The following LAMB2 variants were observed in gnomAD, a reference collection of about 807,000 sequenced individuals.
The protein encoded by LAMB2 is laminin subunit beta-2.
LAMB2 carries 119 observed loss-of-function variants against 202.7 expected under a neutral mutation model. The observed-to-expected ratio is 0.59, with a 90% CI of 0.51 to 0.68. The LOEUF is 0.68. Ranked by LOEUF, LAMB2 falls within the 30% of genes least tolerant of loss-of-function variation. The pLI is 0.00. For synonymous variants in LAMB2, 818 were observed against 902.2 expected (o/e 0.91, Z 1.67); for missense variants, 2,124 against 2,410.6 (o/e 0.88, Z 2.49).
At position 49,123,179 on chromosome 3, in the gene LAMB2, G is replaced by A. The variant is rs267607208; in HGVS notation, c.4177C>T (p.Leu1393Phe). The change falls in exon 26 of 32, where the codon CTC becomes TTC. Residue 1393 changes from leucine (L) to phenylalanine (F), a missense_variant. Transcript: ENST00000305544. ...CTCAGGGTGTGGGTATGGGCAGAGA[G>A]CTTGCCAAGTGCCCGCTGGTTGGCC... Reference protein sequence around the residue: ...HMANQRALGKLSAHTHTLSLT... With the variant: ...HMANQRALGKFSAHTHTLSLT... 6.2e-7 allele frequency: 1 copy of A among 1,613,788 alleles called. No homozygotes were observed. The highest frequency in any genetic ancestry group is 8.5e-7 in the Non-Finnish European group (1 of 1,180,018).
At chr3:49,125,545 G>C in intron 18 of LAMB2, 61 bp from the exon 19 acceptor site, 1 of 1,446,974 alleles carries the variant, frequency 6.9e-7, no homozygotes. Flanking sequence ...AGTGTGGGTG[G>C]GGGAGGGTCT....
At position 49,125,846 on chromosome 3, in the gene LAMB2, G is replaced by C; in HGVS notation, c.2389C>G (p.Pro797Ala). 4 of 1,614,122 alleles carry C rather than the reference G, an allele frequency of 2.5e-6. No individual in the cohort carries two copies. The highest frequency in any genetic ancestry group is 3.4e-6 in the Non-Finnish European group (4 of 1,180,022). The part of the protein sequence containing the change: ...PQGSLSSECN[P>A]HGGQCLCKPG... ...TTGCACAGGCACTGACCACCATGAG[G>C]GTTGCACTCAGAACTCAGTGAACCT... Residue 797 changes from proline to alanine, a missense_variant, in exon 18 of 32, where the codon CCT becomes GCT. Coordinates refer to ENST00000305544, the MANE Select transcript of LAMB2 (RefSeq NM_002292.4).
intron 22 of LAMB2, 41 bp from the exon 23 acceptor site, chr3:49,124,327 G>GCTAAGCC (rs751971678): frequency 6.2e-6 from 10 of 1,613,072 alleles, no homozygotes; most frequent in African/African-American, 1.3e-5. Flanking sequence ...TCTATAAGAG[G>GCTAAGCC]CTAAGCCCTG....
rs202215205 is a variant in LAMB2, at chr3:49,128,820, C to T, written c.1732-1G>A. ...CCAGGCGCTCCACCACATCGAGCAC[C>T]TGGGAGATAATGCAGCCAGGGATGG... On this transcript the variant is annotated splice_acceptor_variant, in intron 13 of 31. Coordinates refer to ENST00000305544, the MANE Select transcript of LAMB2 (RefSeq NM_002292.4). LOFTEE classifies it high-confidence loss of function. The T allele has an allele frequency of 6.2e-7, 1 of 1,611,592 alleles. No homozygotes were observed. The highest frequency in any genetic ancestry group is 8.5e-7 in the Non-Finnish European group (1 of 1,178,322).
Position 49,124,850 on chromosome 3 carries a change from TCA to T in LAMB2, c.2958_2959del (p.Cys986Ter). 6.2e-7 allele frequency: 1 copy of T among 1,614,106 alleles called. No homozygotes were observed. Among genetic ancestry groups the T allele is most frequent in the Non-Finnish European group, 8.5e-7 (1 of 1,180,026 alleles). On this transcript the variant is annotated stop_gained and frameshift_variant, in exon 21 of 32. Transcript: ENST00000305544. LOFTEE classifies it high-confidence loss of function. The stretch of plus-strand genomic sequence containing the variant: ...CATTGGGTCAATGTTCCCACTGCAC[TCA>T]CACAGTTGGCACCGGCCACCTGGCC...
chr3:49,125,625 G>A (rs2045405451), intron 18 of LAMB2, 122 bp downstream of exon 18: 1 of 1,444,308 alleles, frequency 6.9e-7, no homozygotes, highest in African/African-American at 1.4e-5. Flanking sequence ...AACTGACCCA[G>A]GTTGAGAGTA....
chr3:49,128,933 C>T, intron 13 of LAMB2, 87 bp downstream of exon 13: 1 of 1,600,472 alleles, frequency 6.2e-7, no homozygotes. Flanking sequence ...CCTATCCCCT[C>T]AACAAGGTAC....
chr3:49,128,615 T>C, intron 14 of LAMB2, 30 bp from the exon 15 acceptor site: 1 of 1,614,172 alleles, frequency 6.2e-7, no homozygotes, highest in Non-Finnish European at 8.5e-7. Context: ...GAGGAGATGC[T>C]CCCACACCCA....
chr3:49,130,496 T>G lies in LAMB2; in HGVS notation c.1037-77A>C. ...AGGGTAAGAAGTAGGCCACCTTAGA[T>G]CCCTATCACAGGCCAGAATTTGTGG... On this transcript the variant is annotated intron_variant, in intron 8 of 31. Transcript: ENST00000305544. This position sits in a 1 kb window ranked among gnomAD's most constrained non-coding sequence, Gnocchi z 5.0. 6.4e-7 allele frequency: 1 copy of G among 1,555,122 alleles called. No individual in the cohort carries two copies. The highest frequency in any genetic ancestry group is 8.9e-7 in the Non-Finnish European group (1 of 1,128,946).
chr3:49,130,493 A>C lies in LAMB2; in HGVS notation c.1037-74T>G. 6.4e-7 allele frequency: 1 copy of C among 1,563,242 alleles called. No individual in the cohort carries two copies. Among genetic ancestry groups the C allele is most frequent in the Non-Finnish European group, 8.8e-7 (1 of 1,135,924 alleles). On this transcript the variant is annotated intron_variant, in intron 8 of 31. Coordinates refer to ENST00000305544, the MANE Select transcript of LAMB2 (RefSeq NM_002292.4). The surrounding 1 kb of genome is among the most constrained non-coding windows in gnomAD (Gnocchi z 5.0). ...ACAAGGGTAAGAAGTAGGCCACCTT[A>C]GATCCCTATCACAGGCCAGAATTTG...
rs189943598 is a variant in LAMB2, at chr3:49,126,506, G to A, written c.2019-9C>T. The A allele has an allele frequency of 1.1e-5, 18 of 1,613,948 alleles. 1 individual carries two copies. Among genetic ancestry groups the A allele is most frequent in the South Asian group, 4.4e-5 (4 of 91,060 alleles). On this transcript the variant is annotated splice_polypyrimidine_tract_variant and intron_variant, in intron 15 of 31. Coordinates refer to ENST00000305544, the MANE Select transcript of LAMB2 (RefSeq NM_002292.4). ...TAGGAAATATCAAGTACCTGGGGGC[G>A]AGTGGGGACAGGTGCAGTGGGTCAT... is the stretch of plus-strand genomic sequence containing the variant.
chr3:49,129,361 C>T lies in LAMB2; in HGVS notation c.1519-37G>A, dbSNP rs972945346. 2.1e-5 allele frequency: 33 copies of T among 1,570,868 alleles called. No individual in the cohort carries two copies. In the African/African-American group the frequency reaches 4.2e-4, roughly 20 times the overall value. ...GAGTTGCTGGGGGCCAGAAACAGACCTCCAGACCCCATCACCACCCAGCAG... is the reference window on the plus strand; with the variant it reads ...GAGTTGCTGGGGGCCAGAAACAGACTTCCAGACCCCATCACCACCCAGCAG... On this transcript the variant is annotated intron_variant, in intron 11 of 31. Coordinates refer to ENST00000305544, the MANE Select transcript of LAMB2 (RefSeq NM_002292.4). This position sits in a 1 kb window ranked among gnomAD's most constrained non-coding sequence, Gnocchi z 6.1.
At chr3:49,126,621 C>G (rs554974972) in intron 15 of LAMB2, 124 bp from the exon 16 acceptor site, 4 of 1,247,520 alleles carry the variant, frequency 3.2e-6, no homozygotes, top group Middle Eastern at 2.3e-4. Flanking sequence ...GGCTGGGTTG[C>G]GTTGGGCTGC....
At chr3:49,126,530 A>T (rs1401287998) in intron 15 of LAMB2, 33 bp from the exon 16 acceptor site, 1 of 1,613,470 alleles carries the variant, frequency 6.2e-7, no homozygotes, top group African/African-American at 1.3e-5. Flanking sequence ...GCAGTGGGTC[A>T]TCTAGGGGCC....
chr3:49,133,034 G>T lies in LAMB2; in HGVS notation c.-167C>A. The T allele has an allele frequency of 1.6e-6, 1 of 637,076 alleles. No individual in the cohort carries two copies. 39.5% of individuals were successfully genotyped at this position (637,076 alleles called of 1,614,324 possible). On this transcript the variant is annotated 5_prime_UTR_variant, in exon 1 of 32. Coordinates refer to ENST00000305544, the MANE Select transcript of LAMB2 (RefSeq NM_002292.4). Reference sequence around the variant, plus strand: ...CCAGCGGTCCCTCCGACAGCTTAGAGTCCAGCGACTTTGAGCAAAGTTGGG... The same window carrying T: ...CCAGCGGTCCCTCCGACAGCTTAGATTCCAGCGACTTTGAGCAAAGTTGGG...
rs370554848 is a variant in LAMB2, at chr3:49,132,782, G to A, written c.76+10C>T. ...TTCCACAACCCCCAGCCCCCACCAG[G>A]CCCTCTCACCGCTTAGCAGTAGGCC... On this transcript the variant is annotated intron_variant, in intron 1 of 31. Coordinates refer to ENST00000305544, the MANE Select transcript of LAMB2 (RefSeq NM_002292.4). This position sits in a 1 kb window ranked among gnomAD's most constrained non-coding sequence, Gnocchi z 4.6. The A allele has an allele frequency of 2.6e-4, 427 of 1,613,898 alleles. No individual in the cohort carries two copies. The highest frequency in any genetic ancestry group is 3.6e-4 in the Non-Finnish European group (419 of 1,179,922).
At position 49,124,774 on chromosome 3, in the gene LAMB2, G is replaced by T. The variant is rs777538430; in HGVS notation, c.3036C>A (p.His1012Gln). 3.4e-5 allele frequency: 55 copies of T among 1,614,104 alleles called. No individual in the cohort carries two copies. The highest frequency in any genetic ancestry group is 4.5e-5 in the Non-Finnish European group (53 of 1,180,050). Residue 1012 changes from histidine to glutamine, a missense_variant, in exon 21 of 32, where the codon CAC (histidine) becomes CAA (glutamine). Physicochemically the swap from His to Gln is conservative, Grantham distance 24. Around this residue, in one of 3 missense-constraint regions of LAMB2, gnomAD observed 1,702 missense variants for 1,896.3 expected, o/e 0.90. Coordinates refer to ENST00000305544, the MANE Select transcript of LAMB2 (RefSeq NM_002292.4). The stretch of plus-strand genomic sequence containing the variant: ...GGGCACAGTGTGGACCCTCTGTGTG[G>T]TGTAAACAGCGCAGGCATTGCCCCG... Reference protein sequence around the residue: ...PHTGQCLRCLHHTEGPHCAHC... With the variant: ...PHTGQCLRCLQHTEGPHCAHC...
In LAMB2 at chr3:49,122,943, G is replaced by T; in HGVS notation, c.4334C>A (p.Ala1445Glu). 2 of 1,608,972 alleles carry T rather than the reference G, an allele frequency of 1.2e-6. No homozygotes were observed. Among genetic ancestry groups the T allele is most frequent in the Non-Finnish European group, 1.7e-6 (2 of 1,179,964 alleles). The change falls in exon 27 of 32, where the codon GCA becomes GAA. Residue 1445 changes from alanine (A) to glutamate (E), a missense_variant. Coordinates refer to ENST00000305544, the MANE Select transcript of LAMB2 (RefSeq NM_002292.4). Reference protein sequence around the residue: ...PRCGGLSCNGAAATADLALGR... With the variant: ...PRCGGLSCNGEAATADLALGR... The stretch of plus-strand genomic sequence containing the variant: ...CAGTGCTAGGTCTGCTGTAGCCGCT[G>T]CCCCATTGCAGCTGAGGCCCCCACA...
In LAMB2 at chr3:49,123,306, T is replaced by G; in HGVS notation, c.4050A>C (p.Ser1350=). ...SAEAERRANT[S]ALAVPSPVSN... ...TCACAGGGCTAGGTACTGCCAGGGCTGAGGTATTGGCACGACGTTCTGCCT... is the reference window on the plus strand; with the variant it reads ...TCACAGGGCTAGGTACTGCCAGGGCGGAGGTATTGGCACGACGTTCTGCCT... The change falls in exon 26 of 32, where the codon TCA becomes TCC. Residue 1350 remains serine (S), a synonymous_variant. Coordinates refer to ENST00000305544, the MANE Select transcript of LAMB2 (RefSeq NM_002292.4). 6.2e-7 allele frequency: 1 copy of G among 1,614,120 alleles called. No homozygotes were observed. Among genetic ancestry groups the G allele is most frequent in the Non-Finnish European group, 8.5e-7 (1 of 1,180,030 alleles).
Sources: gnomAD v4.1 joint callset for allele counts on GRCh38, gnomAD v4.1.1 for gene constraint, gnomAD v4.1.1 regional missense constraint, Gnocchi (gnomAD v3.1) non-coding constraint, MANE v1.5 for transcripts, NCBI Gene and HGNC (gene_info 2026-07-23, HGNC 2026-07-21) for gene names.